Variants in IGF1 observed in about 807,000 individuals in gnomAD.
IGF1 encodes the protein insulin-like growth factor 1.
In IGF1, 4 loss-of-function variants were observed where a neutral mutation model predicts 13.8. The observed-to-expected ratio is 0.29, with a 90% CI of 0.14 to 0.66. The LOEUF is 0.66. Ranked by LOEUF, IGF1 falls within the 30% of genes least tolerant of loss-of-function variation. The pLI, the probability that IGF1 is intolerant of heterozygous loss-of-function variation, is 0.78. For synonymous variants in IGF1, 76 were observed against 72.6 expected (o/e 1.05, Z -0.23); for missense variants, 124 against 188.5 (o/e 0.66, Z 2.00).
At chr12:102,475,301 T>C (rs943173112) in intron 2 of IGF1, among the ~76,000 whole-genome samples, 2 of 152,274 alleles carry the variant, frequency 1.3e-5, no homozygotes, top group South Asian at 2.1e-4. Flanking sequence ...TGTGCGCCCA[T>C]AGGTTTTGAA....
At chr12:102,419,430 A>G (rs1875467170) in intron 3 of IGF1, 79 bp downstream of exon 3, 2 of 1,394,934 alleles carry the variant, frequency 1.4e-6, no homozygotes, top group Non-Finnish European at 9.9e-7. Flanking sequence ...ACTATGGGGC[A>G]GGATTTCTGC....
intron 2 of IGF1, among the ~76,000 whole-genome samples, chr12:102,445,102 G>A (rs1878198909): frequency 6.6e-6 from 1 of 152,070 alleles, no homozygotes; most frequent in South Asian, 2.1e-4. Context: ...CGATATATCT[G>A]TTTAGGTACC....
chr12:102,409,208 A>AG (rs775933138), intron 3 of IGF1, among the ~76,000 whole-genome samples: 1 of 152,202 alleles, frequency 6.6e-6, no homozygotes, highest in African/African-American at 2.4e-5. Flanking sequence ...TCTACTGTTT[A>AG]GAAAAACCTT....
At chr12:102,422,369 G>T (rs1164278449) in intron 2 of IGF1, among the ~76,000 whole-genome samples, 1 of 152,036 alleles carries the variant, frequency 6.6e-6, no homozygotes, top group East Asian at 1.9e-4. Flanking sequence ...TGGACTCATT[G>T]TACGTCATTG....
intron 2 of IGF1, among the ~76,000 whole-genome samples, chr12:102,449,895 T>C (rs1169947864): frequency 1.3e-5 from 2 of 152,030 alleles, no homozygotes; most frequent in African/African-American, 4.8e-5. Context: ...GAAGCACAAA[T>C]GTGCGTAGGT....
In IGF1 at chr12:102,447,612, G is replaced by A. The variant is rs182679580; in HGVS notation, c.221-27922C>T. Among the ~76,000 whole-genome samples, 31 of 152,130 alleles carry A rather than the reference G, an allele frequency of 2.0e-4. No individual in the cohort carries two copies. In the East Asian group the frequency reaches 2.3e-3, roughly 11 times the overall value. On this transcript the variant is annotated intron_variant, in intron 2 of 3. Coordinates refer to ENST00000337514, the MANE Select transcript of IGF1 (RefSeq NM_000618.5). ...AACCCTTTATTTCGAGCCTATGTGC[G>A]TCTTTGCATGTGAGATGAGTGTCCT...
intron 2 of IGF1, among the ~76,000 whole-genome samples, chr12:102,462,464 C>T (rs1333100612): frequency 2.0e-5 from 3 of 152,166 alleles, no homozygotes; most frequent in Non-Finnish European, 4.4e-5. Context: ...CTTTAGCTTA[C>T]ACATCATGAT....
At chr12:102,446,332 G>T (rs1226332810) in intron 2 of IGF1, among the ~76,000 whole-genome samples, 1 of 152,098 alleles carries the variant, frequency 6.6e-6, no homozygotes, top group African/African-American at 2.4e-5. Context: ...GTAGAATTCG[G>T]CTATGCATCC....
intron 2 of IGF1, among the ~76,000 whole-genome samples, chr12:102,443,118 C>T (rs553027475): frequency 1.2e-4 from 18 of 152,102 alleles, no homozygotes; most frequent in South Asian, 4.2e-4. Flanking sequence ...TCAGGGATAG[C>T]GTCTTTGGCA....
At position 102,432,750 on chromosome 12, in the gene IGF1, C is replaced by G. The variant is rs143463116; in HGVS notation, c.221-13060G>C. On this transcript the variant is annotated intron_variant, in intron 2 of 3. Coordinates refer to ENST00000337514, the MANE Select transcript of IGF1 (RefSeq NM_000618.5). ...AAAATGAAATTGATGACAAGGGACT[C>G]TGGTCTCTCAACTTTGAAAATCACC... Among the ~76,000 whole-genome samples the G allele has an allele frequency of 8.0e-3, 1,218 of 152,276 alleles. 8 individuals carry two copies. The highest frequency in any genetic ancestry group is 0.035 in the East Asian group (184 of 5,192).
intron 3 of IGF1, chr12:102,417,923 C>T (rs1403979223): frequency 6.2e-7 from 1 of 1,613,958 alleles, no homozygotes; most frequent in Non-Finnish European, 8.5e-7. Context: ...TCCCCTCCTT[C>T]TGTTCCCCTC....
chr12:102,438,431 TTA>T (rs1260857021), intron 2 of IGF1, among the ~76,000 whole-genome samples: 15 of 152,184 alleles, frequency 9.9e-5, no homozygotes, highest in Admixed American at 3.3e-4. Flanking sequence ...GCTGTAAACG[TTA>T]TCTTATTTTG....
chr12:102,411,988 T>C (rs1874684027), intron 3 of IGF1, among the ~76,000 whole-genome samples: 1 of 152,190 alleles, frequency 6.6e-6, no homozygotes, highest in Non-Finnish European at 1.5e-5. Context: ...TTGGTTGTAA[T>C]GGGTCAATAA....
At chr12:102,403,647 T>G (rs2136943368) in intron 3 of IGF1, among the ~76,000 whole-genome samples, 1 of 142,714 alleles carries the variant, frequency 7.0e-6, no homozygotes, top group African/African-American at 2.7e-5. Flanking sequence ...TTTTTTTTTT[T>G]TTTTGTAGAG....
chr12:102,426,871 CTTCTT>C (rs757437923), intron 2 of IGF1, among the ~76,000 whole-genome samples: 40 of 152,330 alleles, frequency 2.6e-4, no homozygotes, highest in Non-Finnish European at 4.6e-4. Flanking sequence ...ATTCTGTTCT[CTTCTT>C]TTCCTATTTC....
chr12:102,395,964 T>C lies in IGF1; in HGVS notation c.*6543A>G, dbSNP rs960715711. On this transcript the variant is annotated 3_prime_UTR_variant, in exon 4 of 4. Transcript: ENST00000337514. ...CTAGCCATACATTTTCAAAATATGC[T>C]TATTAAACAGTAAATGTAAGATAAT... The C allele has an allele frequency of 2.6e-5, 4 of 152,218 alleles. No homozygotes were observed. Among genetic ancestry groups the C allele is most frequent in the African/African-American group, 9.6e-5 (4 of 41,472 alleles). 9.4% of individuals were successfully genotyped at this position (152,218 alleles called of 1,614,324 possible).
intron 2 of IGF1, among the ~76,000 whole-genome samples, chr12:102,452,298 C>T (rs12299690): frequency 2.1e-3 from 269 of 128,172 alleles, no homozygotes; most frequent in African/African-American, 7.4e-3. Flanking sequence ...AAAGATATGT[C>T]TACTTCTTCT....
At chr12:102,472,603 G>C (rs1880756250) in intron 2 of IGF1, among the ~76,000 whole-genome samples, 1 of 152,138 alleles carries the variant, frequency 6.6e-6, no homozygotes, top group Non-Finnish European at 1.5e-5. Flanking sequence ...ATAAAACTTT[G>C]AAAATAAGTG....
At chr12:102,402,591 C>T (rs776789001) in intron 3 of IGF1, 25 bp from the exon 4 acceptor site, 2 of 780,436 alleles carry the variant, frequency 2.6e-6, no homozygotes, top group South Asian at 2.7e-5. Flanking sequence ...GAAAAAGTGA[C>T]ATTAACTTGA....
Sources: allele counts gnomAD v4.1 joint callset (sites outside exome capture counted in the v4.1 genomes callset), GRCh38; gene constraint gnomAD v4.1.1; transcripts MANE v1.5; gene names NCBI Gene and HGNC (gene_info 2026-07-23, HGNC 2026-07-21).